Variants in PPP1R12B observed in about 807,000 individuals in gnomAD.
PPP1R12B encodes myosin phosphatase target subunit 2.
A neutral mutation model predicts 126.1 loss-of-function variants in PPP1R12B; 76 were observed. The ratio of observed to expected loss-of-function variants is 0.60; its 90% CI spans 0.50 to 0.73. The LOEUF is 0.73. PPP1R12B is among the 30% of genes least tolerant of loss of function. The pLI is 0.00. For synonymous variants in PPP1R12B, 356 were observed against 434.7 expected (o/e 0.82, Z 2.25); for missense variants, 1,052 against 1,205.1 (o/e 0.87, Z 1.88).
In PPP1R12B at chr1:202,585,685, G is replaced by A. The variant is rs1293646878; in HGVS notation, c.*5125G>A. On this transcript the variant is annotated 3_prime_UTR_variant, in exon 24 of 24. Transcript: ENST00000608999. ...AACTGTTTAATATGAGCACATCAAG[G>A]TTGACTTCTCATCCTTTTTGGGAAG... 1 of 152,214 alleles carries A rather than the reference G, an allele frequency of 6.6e-6. No individual in the cohort carries two copies. Among genetic ancestry groups the A allele is most frequent in the Non-Finnish European group, 1.5e-5 (1 of 68,038 alleles). The allele number at this position is 152,214 out of a possible 1,614,324, so 9.4% of individuals were successfully genotyped here.
At chr1:202,538,239 C>T (rs2148956070) in intron 18 of PPP1R12B, among the ~76,000 whole-genome samples, 1 of 152,318 alleles carries the variant, frequency 6.6e-6, no homozygotes, top group East Asian at 1.9e-4. Context: ...ATGTGATCCA[C>T]CCACCTTGGC....
At chr1:202,481,166 C>T (rs1164482047) in intron 13 of PPP1R12B, among the ~76,000 whole-genome samples, 3 of 152,210 alleles carry the variant, frequency 2.0e-5, no homozygotes, top group Non-Finnish European at 4.4e-5. Context: ...GGCATCAATG[C>T]TCACTTGCTC....
At position 202,348,917 on chromosome 1, in the gene PPP1R12B, G is replaced by C; in HGVS notation, c.66G>C (p.Gln22His). 6.2e-7 allele frequency: 1 copy of C among 1,608,942 alleles called. No homozygotes were observed. The highest frequency in any genetic ancestry group is 1.1e-5 in the South Asian group (1 of 90,396). ...CGGCGCGAATGCGGCGGGCAGAGCA[G>C]CTTCGGCGCTGGCGGGGCTCGCTGA... Reference protein sequence around the residue: ...AESARMRRAEQLRRWRGSLTE... With the variant: ...AESARMRRAEHLRRWRGSLTE... Residue 22 changes from glutamine (Q) to histidine (H), a missense_variant, in exon 1 of 24, where the codon CAG becomes CAC. By Grantham distance (24) the Gln-to-His change is conservative. Coordinates refer to ENST00000608999, the MANE Select transcript of PPP1R12B (RefSeq NM_002481.4).
At chr1:202,451,343 G>C (rs1171306402) in intron 13 of PPP1R12B, among the ~76,000 whole-genome samples, 9 of 148,184 alleles carry the variant, frequency 6.1e-5, no homozygotes. Flanking sequence ...GTGTCCCTGC[G>C]TACTTGAGAT....
chr1:202,410,306 T>C (rs1667224343), intron 1 of PPP1R12B: 1 of 152,254 alleles, frequency 6.6e-6, no homozygotes, highest in African/African-American at 2.4e-5. Flanking sequence ...TCCACATGAT[T>C]TGTTGAAATC....
intron 1 of PPP1R12B, among the ~76,000 whole-genome samples, chr1:202,361,926 G>A (rs1200636982): frequency 1.3e-5 from 2 of 152,140 alleles, no homozygotes; most frequent in Non-Finnish European, 2.9e-5. Flanking sequence ...TGGAGATTGG[G>A]TTGATTGGCT....
At position 202,585,110 on chromosome 1, in the gene PPP1R12B, C is replaced by T. The variant is rs1041076820; in HGVS notation, c.*4550C>T. ...CTCCCAGGCTCAAGGGATCCTCTCA[C>T]CTCAGCTCCCGAGCAGCTAGGACTG... is the stretch of plus-strand genomic sequence containing the variant. On this transcript the variant is annotated 3_prime_UTR_variant, in exon 24 of 24. Coordinates refer to ENST00000608999, the MANE Select transcript of PPP1R12B (RefSeq NM_002481.4). 6.6e-6 allele frequency: 1 copy of T among 152,438 alleles called. No individual in the cohort carries two copies. Among genetic ancestry groups the T allele is most frequent in the African/African-American group, 2.4e-5 (1 of 41,476 alleles). 9.4% of individuals were successfully genotyped at this position (152,438 alleles called of 1,614,324 possible).
intron 9 of PPP1R12B, among the ~76,000 whole-genome samples, 192 bp from the exon 10 acceptor site, chr1:202,437,629 A>G (rs183758440): frequency 6.6e-6 from 1 of 152,134 alleles, no homozygotes; most frequent in African/African-American, 2.4e-5. Context: ...TTAGGAAGAA[A>G]GAGCCTGGAG....
At chr1:202,500,837 C>T (rs551481400) in intron 18 of PPP1R12B, among the ~76,000 whole-genome samples, 7 of 152,222 alleles carry the variant, frequency 4.6e-5, no homozygotes, top group South Asian at 2.1e-4. Flanking sequence ...CACATAAATA[C>T]GTACTATTAT....
chr1:202,496,317 C>T, intron 17 of PPP1R12B, among the ~76,000 whole-genome samples: 1 of 152,202 alleles, frequency 6.6e-6, no homozygotes, highest in East Asian at 1.9e-4. Context: ...TTGTTATTGG[C>T]ATTTTAAAGA....
chr1:202,462,879 T>C (rs900556106), intron 13 of PPP1R12B: 2 of 985,266 alleles, frequency 2.0e-6, no homozygotes, highest in Non-Finnish European at 2.4e-6. Context: ...CTGAGATAGC[T>C]TGACCTGCTT....
intron 13 of PPP1R12B, among the ~76,000 whole-genome samples, chr1:202,460,682 T>TG (rs1177471282): frequency 1.3e-5 from 2 of 152,214 alleles, no homozygotes; most frequent in Non-Finnish European, 2.9e-5. Context: ...GTATGAATAT[T>TG]GAACAAGAAG....
At chr1:202,536,394 AG>A (rs1183407452) in intron 18 of PPP1R12B, among the ~76,000 whole-genome samples, 1 of 152,208 alleles carries the variant, frequency 6.6e-6, no homozygotes, top group Non-Finnish European at 1.5e-5. Flanking sequence ...AACATAGAAA[AG>A]GTATTGTAAA....
At chr1:202,545,023 C>T (rs1685506716) in intron 18 of PPP1R12B, among the ~76,000 whole-genome samples, 2 of 152,204 alleles carry the variant, frequency 1.3e-5, no homozygotes, top group Admixed American at 6.5e-5. Context: ...AGTTATTTAG[C>T]ATATTATCGT....
At chr1:202,350,859 G>A (rs957382589) in intron 1 of PPP1R12B, among the ~76,000 whole-genome samples, 1 of 152,064 alleles carries the variant, frequency 6.6e-6, no homozygotes, top group Non-Finnish European at 1.5e-5. Context: ...GACCTCAGGA[G>A]ATCCACCCTC....
chr1:202,352,097 A>C (rs1656127895), intron 1 of PPP1R12B, among the ~76,000 whole-genome samples: 2 of 152,198 alleles, frequency 1.3e-5, no homozygotes, highest in South Asian at 4.1e-4. Context: ...GTGTGTATGC[A>C]TGTGTTGTCC....
rs1375636540 is a variant in PPP1R12B, at chr1:202,397,215, C to T, written c.292-19572C>T. ...GATTACTGCACTGAAACATTTCAAG[C>T]TCAGGTCCTCCGTGACCTTTACATT... On this transcript the variant is annotated intron_variant, in intron 1 of 23. Coordinates refer to ENST00000608999, the MANE Select transcript of PPP1R12B (RefSeq NM_002481.4). Among the ~76,000 whole-genome samples, 4 of 152,192 alleles carry T rather than the reference C, an allele frequency of 2.6e-5. No homozygotes were observed. In the South Asian group the frequency reaches 6.2e-4, roughly 24 times the overall value.
At position 202,585,276 on chromosome 1, in the gene PPP1R12B, C is replaced by T. The variant is rs982193073; in HGVS notation, c.*4716C>T. 6.6e-6 allele frequency: 1 copy of T among 152,264 alleles called. No individual in the cohort carries two copies. The highest frequency in any genetic ancestry group is 2.1e-4 in the South Asian group (1 of 4,836). The allele number at this position is 152,264 out of a possible 1,614,324, so 9.4% of individuals were successfully genotyped here. A position where few individuals can be genotyped will look rare whatever the true frequency, so the allele number is the denominator to read the frequency against. On this transcript the variant is annotated 3_prime_UTR_variant, in exon 24 of 24. Transcript: ENST00000608999. ...CCTCCCAAAGCGATAGGATTACAGG[C>T]GTAAGGGCCCACGCCCAGCCTACCA...
At chr1:202,444,918 T>C in intron 12 of PPP1R12B, 1 of 744,666 alleles carries the variant, frequency 1.3e-6, no homozygotes, top group Non-Finnish European at 1.9e-6. Context: ...TCACTTCACT[T>C]CCCAGTTGTC....
Sources: allele counts gnomAD v4.1 joint callset (sites outside exome capture counted in the v4.1 genomes callset), GRCh38; gene constraint gnomAD v4.1.1; transcripts MANE v1.5; gene names NCBI Gene and HGNC (gene_info 2026-07-23, HGNC 2026-07-21).